The following SUGCT variants were observed in gnomAD, a reference collection of about 807,000 sequenced individuals.
SUGCT encodes succinyl-CoA:glutarate-CoA transferase, also known as succinyl-CoA:glutarate CoA-transferase.
Under a neutral mutation model 55.0 loss-of-function variants are expected in SUGCT, and 41 were observed. That is an observed-to-expected ratio of 0.74 (90% CI 0.58 to 0.97). The LOEUF (loss-of-function observed/expected upper bound fraction) is 0.97. Among genes scored for constraint, SUGCT ranks in the 50% least tolerant of loss-of-function variants. The pLI is 0.00. For synonymous variants in SUGCT, 187 were observed against 200.4 expected, an observed-to-expected ratio of 0.93 and a Z score of 0.56; for missense variants, 568 against 547.8, an observed-to-expected ratio of 1.04 and a Z score of -0.37.
rs1791970171 is a variant in SUGCT at position 40,496,270 on chromosome 7, G to T, written c.987-14G>T. The T allele has an allele frequency of 3.8e-6, 6 of 1,590,226 alleles. No individual in the cohort carries two copies. The highest frequency in any genetic ancestry group is 1.1e-5 in the South Asian group (1 of 88,540). ...CTTCCTGTGTAAAAAATTTATCCTT[G>T]TTTGTCTTCTTAGGTTTGAAGAAGA... On this transcript the variant is annotated splice_polypyrimidine_tract_variant and intron_variant, in intron 11 of 13. Transcript: ENST00000335693.
chr7:40,335,959 G>C (rs955421418), intron 9 of SUGCT, among the ~76,000 whole-genome samples: 36 of 152,090 alleles, frequency 2.4e-4, no homozygotes, highest in Non-Finnish European at 1.5e-4. Flanking sequence ...TAACATGAAG[G>C]GCTGTTGAAT....
chr7:40,622,161 C>T (rs1562906191), intron 12 of SUGCT, among the ~76,000 whole-genome samples: 1 of 152,182 alleles, frequency 6.6e-6, no homozygotes, highest in Non-Finnish European at 1.5e-5. Flanking sequence ...GTGTTTTTAG[C>T]AGGTGTCCCA....
intron 9 of SUGCT, among the ~76,000 whole-genome samples, chr7:40,367,141 C>A (rs1784027155): frequency 6.6e-6 from 1 of 151,854 alleles, no homozygotes; most frequent in Non-Finnish European, 1.5e-5. Flanking sequence ...TGGAAATCAT[C>A]ATTCTCAGTA....
At chr7:40,955,865 T>C in the SUGCT span, among the ~76,000 whole-genome samples, 7 of 152,206 alleles carry the variant, frequency 4.6e-5, no homozygotes, top group African/African-American at 1.7e-4. Flanking sequence ...TCAAAGGCTT[T>C]TTCTGCATCT....
At chr7:40,146,456 G>A (rs1208505169) in intron 1 of SUGCT, among the ~76,000 whole-genome samples, 1 of 152,172 alleles carries the variant, frequency 6.6e-6, no homozygotes, top group African/African-American at 2.4e-5. Flanking sequence ...AGCCTTCAGC[G>A]CTGAGAGCCT....
At chr7:40,503,115 T>C (rs1056299249) in intron 12 of SUGCT, among the ~76,000 whole-genome samples, 3 of 152,088 alleles carry the variant, frequency 2.0e-5, no homozygotes, top group Admixed American at 6.6e-5. Context: ...GGCTTGGTTT[T>C]TTTGAGGGAG....
At chr7:40,813,493 G>C (rs1040776676) in intron 13 of SUGCT, among the ~76,000 whole-genome samples, 1 of 151,962 alleles carries the variant, frequency 6.6e-6, no homozygotes, top group South Asian at 2.1e-4. Flanking sequence ...TACTGTTGTT[G>C]GTTTAAAGTA....
chr7:40,559,132 TC>T (rs1385144427), intron 12 of SUGCT, among the ~76,000 whole-genome samples: 1 of 152,218 alleles, frequency 6.6e-6, no homozygotes, highest in Non-Finnish European at 1.5e-5. Context: ...AGAGTTTTCT[TC>T]AGCTTTACTG....
At chr7:40,186,954 T>A (rs1053096923) in intron 3 of SUGCT, among the ~76,000 whole-genome samples, 1 of 152,204 alleles carries the variant, frequency 6.6e-6, no homozygotes, top group Non-Finnish European at 1.5e-5. Flanking sequence ...TCATGGCAGC[T>A]AGTTAAAAAT....
chr7:40,692,093 C>CCTA (rs1447081415), intron 12 of SUGCT, among the ~76,000 whole-genome samples: 1 of 152,126 alleles, frequency 6.6e-6, no homozygotes, highest in Non-Finnish European at 1.5e-5. Flanking sequence ...ATCCTAGTCA[C>CCTA]TCGTTAATAA....
At chr7:41,031,173 G>A in the SUGCT span, among the ~76,000 whole-genome samples, 1 of 151,440 alleles carries the variant, frequency 6.6e-6, no homozygotes, top group African/African-American at 2.4e-5. Flanking sequence ...TGTTACCCAG[G>A]CTGGCCCATA....
chr7:40,607,106 ATT>A (rs201083553), intron 12 of SUGCT, among the ~76,000 whole-genome samples: 45 of 141,000 alleles, frequency 3.2e-4, no homozygotes, highest in Middle Eastern at 3.8e-3. Flanking sequence ...CTTTTTCTGG[ATT>A]TTTTTTTTTT....
rs56989808 is a variant in SUGCT at position 40,316,955 on chromosome 7, G to GTTTTTTTTTTTTTTT, written c.816+104_816+118dup. The GTTTTTTTTTTTTTTT allele has an allele frequency of 2.2e-4, 41 of 189,442 alleles. 4 individuals carry two copies. The highest frequency in any genetic ancestry group is 2.9e-4 in the Non-Finnish European group (30 of 103,296). 11.7% of individuals were successfully genotyped at this position (189,442 alleles called of 1,614,324 possible). ...CTTTTTATACACAAATCCTTCAGCT[G>GTTTTTTTTTTTTTTT]TTTTTTTTTTTTTTTTTTGTAATGT... On this transcript the variant is annotated intron_variant, in intron 9 of 13. Coordinates refer to ENST00000335693, the MANE Select transcript of SUGCT (RefSeq NM_001193313.2).
intron 7 of SUGCT, among the ~76,000 whole-genome samples, chr7:40,264,291 A>C (rs528208100): frequency 6.6e-6 from 1 of 152,310 alleles, no homozygotes; most frequent in Non-Finnish European, 1.5e-5. Context: ...AGACTTTGTT[A>C]TGCCTGTTTA....
intron 6 of SUGCT, among the ~76,000 whole-genome samples, chr7:40,207,561 A>C (rs1433372538): frequency 3.9e-5 from 6 of 152,312 alleles, no homozygotes; most frequent in Non-Finnish European, 8.8e-5. Context: ...TCACGCCTGT[A>C]ATCCCAGCAC....
At chr7:40,250,256 G>T (rs533609376) in intron 7 of SUGCT, among the ~76,000 whole-genome samples, 1 of 151,964 alleles carries the variant, frequency 6.6e-6, no homozygotes, top group South Asian at 2.1e-4. Flanking sequence ...AAAAATTAGC[G>T]GGGCGTGGAG....
chr7:40,967,063 T>C, the SUGCT span: 1 of 152,232 alleles, frequency 6.6e-6, no homozygotes, highest in Non-Finnish European at 1.5e-5. Flanking sequence ...ATTTCCAAGC[T>C]CATCCTTCTC....
In SUGCT at chr7:40,564,516, A is replaced by G. The variant is rs186394145; in HGVS notation, c.1089+68130A>G. 1.5e-3 allele frequency among the ~76,000 whole-genome samples: 223 copies of G among 152,400 alleles called. 1 individual carries two copies. The highest frequency in any genetic ancestry group is 5.1e-3 in the African/African-American group (214 of 41,594). On this transcript the variant is annotated intron_variant, in intron 12 of 13. Transcript: ENST00000335693. ...TCTGTAGGGTAGAGGAAAGGAATGT[A>G]CTTGAAATTTCTCTTTATAAGAGTT...
chr7:40,551,880 C>T (rs1795316188), intron 12 of SUGCT, among the ~76,000 whole-genome samples: 1 of 152,226 alleles, frequency 6.6e-6, no homozygotes, highest in East Asian at 1.9e-4. Context: ...AATCAAGGAG[C>T]TTTCACAGGT....
Sources: allele counts gnomAD v4.1 joint callset (sites outside exome capture counted in the v4.1 genomes callset), GRCh38; gene constraint gnomAD v4.1.1; transcripts MANE v1.5; gene names NCBI Gene and HGNC (gene_info 2026-07-23, HGNC 2026-07-21).